The following ERLEC1 variants were observed in gnomAD, a reference collection of about 807,000 sequenced individuals.
ERLEC1 encodes ER lectin.
In ERLEC1, 47 loss-of-function variants were observed where a neutral mutation model predicts 68.0. The ratio of observed to expected loss-of-function variants is 0.69; its 90% CI spans 0.55 to 0.88. ERLEC1 has a LOEUF of 0.88. ERLEC1 is among the 40% of genes least tolerant of loss of function. The probability of loss-of-function intolerance (pLI) is 0.00; values close to 1 mark genes in which losing one functional copy is unlikely to be tolerated. For missense variants in ERLEC1, 567 were observed against 583.8 expected (o/e 0.97, Z 0.30); for synonymous variants, 225 against 203.2 (o/e 1.11, Z -0.91).
Position 53,817,940 on chromosome 2 carries a change from G to T in ERLEC1, c.1423G>T (p.Glu475Ter). The stretch of plus-strand genomic sequence containing the variant: ...CTGTAAAATCTTAGATACAGCAGAT[G>T]AAAATGGACTTCTTTCTCTCCCCAA... ...VICKILDTADENGLLSLPN is the reference protein window; with the variant it reads ...VICKILDTAD Residue 475 changes from glutamate (E) to a stop codon, truncating the protein, a stop_gained, in exon 14 of 14, where the codon GAA becomes TAA. Coordinates refer to ENST00000185150, the MANE Select transcript of ERLEC1 (RefSeq NM_015701.5). LOFTEE classifies it high-confidence loss of function. 1 of 1,601,026 alleles carries T rather than the reference G, an allele frequency of 6.2e-7. No homozygotes were observed. The highest frequency in any genetic ancestry group is 1.3e-5 in the African/African-American group (1 of 74,756).
At chr2:53,815,375 A>C (rs1057486593) in intron 13 of ERLEC1, among the ~76,000 whole-genome samples, 3 of 152,180 alleles carry the variant, frequency 2.0e-5, no homozygotes, top group Non-Finnish European at 2.9e-5. Context: ...AATATGGCCC[A>C]CATACCACTC....
intron 13 of ERLEC1, 152 bp downstream of exon 13, chr2:53,815,087 C>T (rs942405015): frequency 3.2e-5 from 17 of 524,602 alleles, no homozygotes; most frequent in African/African-American, 3.1e-4. Flanking sequence ...CTCACTGCAA[C>T]CTCTGCCTCC....
intron 13 of ERLEC1, among the ~76,000 whole-genome samples, chr2:53,816,200 C>G (rs1408210548): frequency 6.6e-6 from 1 of 151,890 alleles, no homozygotes; most frequent in Non-Finnish European, 1.5e-5. Flanking sequence ...TGTGCCTCAG[C>G]CTTCCAAGTA....
chr2:53,812,415 T>C (rs1460353988), intron 10 of ERLEC1, among the ~76,000 whole-genome samples: 1 of 152,204 alleles, frequency 6.6e-6, no homozygotes, highest in Non-Finnish European at 1.5e-5. Context: ...AAGGGGTTTC[T>C]GGACAGACAG....
In ERLEC1 at chr2:53,818,091, C is replaced by A; in HGVS notation, c.*122C>A. 1.5e-6 allele frequency: 1 copy of A among 652,660 alleles called. No individual in the cohort carries two copies. 40.4% of individuals were successfully genotyped at this position (652,660 alleles called of 1,614,324 possible). A position where few individuals can be genotyped will look rare whatever the true frequency, so the allele number is the denominator to read the frequency against. On this transcript the variant is annotated 3_prime_UTR_variant, in exon 14 of 14. Transcript: ENST00000185150. ...TTCTAAAGGATGGTATAAAATGACT[C>A]TCAACCACTTTGTGAATACATATGT...
intron 9 of ERLEC1, among the ~76,000 whole-genome samples, 175 bp downstream of exon 9, chr2:53,808,635 A>G (rs1676428514): frequency 6.6e-6 from 1 of 152,070 alleles, no homozygotes; most frequent in Non-Finnish European, 1.5e-5. Context: ...CTGTAATCTA[A>G]TCCATAGCTT....
At chr2:53,810,264 G>A (rs1558604968) in intron 10 of ERLEC1, among the ~76,000 whole-genome samples, 2 of 152,086 alleles carry the variant, frequency 1.3e-5, no homozygotes, top group Non-Finnish European at 2.9e-5. Context: ...GAGGCCAGGA[G>A]TTCAAGAGCA....
At chr2:53,807,979 C>T (rs185787254) in intron 8 of ERLEC1, among the ~76,000 whole-genome samples, 3 of 151,284 alleles carry the variant, frequency 2.0e-5, no homozygotes, top group East Asian at 2.0e-4. Flanking sequence ...GAGCTGAGAC[C>T]GCACCAGCGC....
intron 3 of ERLEC1, among the ~76,000 whole-genome samples, chr2:53,796,606 C>T (rs1675717756): frequency 6.6e-6 from 1 of 151,974 alleles, no homozygotes; most frequent in African/African-American, 2.4e-5. Flanking sequence ...CACCACCATG[C>T]CCTGCTAATT....
At chr2:53,800,840 A>G (rs1186962532) in intron 6 of ERLEC1, among the ~76,000 whole-genome samples, 1 of 152,088 alleles carries the variant, frequency 6.6e-6, no homozygotes, top group East Asian at 1.9e-4. Context: ...GCTGGATAGT[A>G]TTGCTGTTAA....
intron 1 of ERLEC1, 197 bp downstream of exon 1, chr2:53,787,569 C>T: frequency 3.8e-6 from 2 of 522,836 alleles, no homozygotes; most frequent in Admixed American, 7.4e-5. Context: ...CCTTGCTGAG[C>T]ATTAGGGATC....
At chr2:53,813,641 A>G (rs1444567447) in intron 11 of ERLEC1, among the ~76,000 whole-genome samples, 2 of 151,966 alleles carry the variant, frequency 1.3e-5, no homozygotes, top group African/African-American at 4.8e-5. Context: ...TTTCTTGCAG[A>G]CTCTTAACTC....
At chr2:53,816,252 T>G (rs574901162) in intron 13 of ERLEC1, among the ~76,000 whole-genome samples, 99 of 148,596 alleles carry the variant, frequency 6.7e-4, no homozygotes, top group African/African-American at 2.3e-3. Context: ...GGCTGATTTT[T>G]GGGTTTTGGT....
chr2:53,805,558 C>G (rs148961566), intron 8 of ERLEC1, among the ~76,000 whole-genome samples: 100 of 152,200 alleles, frequency 6.6e-4, no homozygotes, highest in African/African-American at 2.3e-3. Context: ...TTGATGGACA[C>G]TTAGGTTGTT....
chr2:53,814,995 C>CTTTTTTTTTTTTTTTTTT lies in ERLEC1; in HGVS notation c.1380+64_1380+81dup, dbSNP rs777632156. 270 of 470,060 alleles carry CTTTTTTTTTTTTTTTTTT rather than the reference C, an allele frequency of 5.7e-4. 1 individual carries two copies. Among genetic ancestry groups the CTTTTTTTTTTTTTTTTTT allele is most frequent in the Admixed American group, 1.2e-3 (27 of 22,512 alleles). 29.1% of individuals were successfully genotyped at this position (470,060 alleles called of 1,614,324 possible). ...TTGAGCCATGTTTTAATTTTTTTTT[C>CTTTTTTTTTTTTTTTTTT]TTTTTTTTTTTTTTTTTTTTTGTTT... is the stretch of plus-strand genomic sequence containing the variant. On this transcript the variant is annotated intron_variant, in intron 13 of 13. Coordinates refer to ENST00000185150, the MANE Select transcript of ERLEC1 (RefSeq NM_015701.5).
chr2:53,807,411 C>CT (rs11401790), intron 8 of ERLEC1, among the ~76,000 whole-genome samples: 88,577 of 151,432 alleles, frequency 0.58, 27,124 homozygotes, highest in African/African-American at 0.78. Flanking sequence ...CCCTTACTGC[C>CT]TTTTTTTTCT....
intron 8 of ERLEC1, 62 bp from the exon 9 acceptor site, chr2:53,808,237 A>G (rs2692519): frequency 0.31 from 480,100 of 1,541,158 alleles, 77,649 homozygotes; most frequent in South Asian, 0.33. Flanking sequence ...AACTTAAGCC[A>G]TAACTGAAAA....
chr2:53,801,347 C>G, intron 6 of ERLEC1, 50 bp from the exon 7 acceptor site: 2 of 1,399,392 alleles, frequency 1.4e-6, no homozygotes, highest in African/African-American at 2.8e-5. Context: ...CACCCCCAGT[C>G]CCATCTCCAT....
chr2:53,799,022 T>G (rs1675866374), intron 5 of ERLEC1, 25 bp from the exon 6 acceptor site: 1 of 1,610,002 alleles, frequency 6.2e-7, no homozygotes, highest in Admixed American at 1.7e-5. Context: ...TGCTCATTCT[T>G]TACACTTACC....
Sources: allele counts gnomAD v4.1 joint callset (sites outside exome capture counted in the v4.1 genomes callset), GRCh38; gene constraint gnomAD v4.1.1; transcripts MANE v1.5; gene names NCBI Gene and HGNC (gene_info 2026-07-23, HGNC 2026-07-21).